PKHD1: variants seen among roughly 807,000 people sequenced by gnomAD.
PKHD1 encodes the protein PKHD1 ciliary IPT domain containing fibrocystin/polyductin.
A neutral mutation model predicts 412.0 loss-of-function variants in PKHD1; 291 were observed. That is an observed-to-expected ratio of 0.71 (90% CI 0.64 to 0.78). The LOEUF (loss-of-function observed/expected upper bound fraction) is 0.78, where lower values mean the gene tolerates loss of function less well. Ranked by LOEUF, PKHD1 falls within the 30% of genes least tolerant of loss-of-function variation. PKHD1 has a pLI of 0.00. For synonymous variants in PKHD1, 1,777 were observed against 1,821.5 expected (o/e 0.98, Z 0.62); for missense variants, 4,825 against 4,950.7 (o/e 0.97, Z 0.76).
chr6:51,897,350 G>A (rs1780261991), intron 43 of PKHD1, among the ~76,000 whole-genome samples: 1 of 152,080 alleles, frequency 6.6e-6, no homozygotes, highest in South Asian at 2.1e-4. Context: ...GAGTGTGGGG[G>A]CCAATATTCA....
chr6:51,719,711 C>A (rs1286312109), intron 60 of PKHD1, among the ~76,000 whole-genome samples: 1 of 152,104 alleles, frequency 6.6e-6, no homozygotes, highest in Non-Finnish European at 1.5e-5. Flanking sequence ...TATAATTTGA[C>A]AAATTATATT....
chr6:51,699,116 C>A (rs1042208918), intron 60 of PKHD1, among the ~76,000 whole-genome samples: 2 of 152,024 alleles, frequency 1.3e-5, no homozygotes, highest in African/African-American at 4.8e-5. Flanking sequence ...TAATTTTTTT[C>A]TTTTGTTGTA....
intron 55 of PKHD1, among the ~76,000 whole-genome samples, chr6:51,755,805 C>T (rs997715258): frequency 2.6e-5 from 4 of 152,122 alleles, no homozygotes; most frequent in Non-Finnish European, 5.9e-5. Flanking sequence ...TTCAATCATG[C>T]AACCTTTATT....
chr6:51,940,624 T>C (rs1281292301), intron 36 of PKHD1, among the ~76,000 whole-genome samples: 1 of 151,750 alleles, frequency 6.6e-6, no homozygotes, highest in Non-Finnish European at 1.5e-5. Context: ...GACTGACTCC[T>C]TCCCAGATCT....
intron 53 of PKHD1, 54 bp from the exon 54 acceptor site, chr6:51,775,975 G>C (rs879857223): frequency 1.5e-5 from 13 of 875,966 alleles, no homozygotes; most frequent in Non-Finnish European, 2.3e-5. Context: ...AAAAGAAAGA[G>C]AGGGAGAAAT....
intron 43 of PKHD1, among the ~76,000 whole-genome samples, chr6:51,887,486 T>C (rs1333751456): frequency 6.6e-6 from 1 of 152,092 alleles, no homozygotes. Flanking sequence ...GTATTGGAGG[T>C]AGGGCCTGGT....
chr6:51,872,762 T>C (rs1776174251), intron 46 of PKHD1, among the ~76,000 whole-genome samples: 1 of 152,120 alleles, frequency 6.6e-6, no homozygotes, highest in Admixed American at 6.5e-5. Flanking sequence ...TGATGGAATA[T>C]TGCCTTCAAA....
chr6:52,055,612 C>T lies in PKHD1; in HGVS notation c.1811G>A (p.Gly604Asp), dbSNP rs765854709. 2 of 1,613,978 alleles carry T rather than the reference C, an allele frequency of 1.2e-6. No individual in the cohort carries two copies. Among genetic ancestry groups the T allele is most frequent in the South Asian group, 2.2e-5 (2 of 91,072 alleles). ...LVLTPPAAQK[G>D]YRLDQYTHLC... ...GTGTGTATACTGATCTAGCCGATAG[C>T]CCTTCTGGGCAGCCGGGGGAGTAAG... Residue 604 changes from glycine to aspartate, a missense_variant, in exon 19 of 67, where the codon GGC (glycine) becomes GAC (aspartate). By Grantham distance (94) the Gly-to-Asp change is moderately conservative. Coordinates refer to ENST00000371117, the MANE Select transcript of PKHD1 (RefSeq NM_138694.4).
chr6:51,812,590 C>A (rs1435635214), intron 52 of PKHD1, among the ~76,000 whole-genome samples: 1 of 152,180 alleles, frequency 6.6e-6, no homozygotes, highest in Non-Finnish European at 1.5e-5. Context: ...TCTAGTAGAG[C>A]ATCACATGAC....
chr6:51,639,208 T>G (rs541777512), intron 63 of PKHD1, among the ~76,000 whole-genome samples: 1 of 152,282 alleles, frequency 6.6e-6, no homozygotes, highest in South Asian at 2.1e-4. Context: ...GCCTACAAAC[T>G]ACACAACAAC....
rs751853495 is a variant in PKHD1, at chr6:52,054,103, G to A, written c.1899C>T (p.Ile633=). The A allele has an allele frequency of 9.9e-6, 16 of 1,613,668 alleles. 1 individual carries two copies. The highest frequency in any genetic ancestry group is 6.6e-5 in the South Asian group (6 of 91,070). The change falls in exon 20 of 67, where the codon ATC becomes ATT. Residue 633 remains isoleucine (I), a synonymous_variant. Coordinates refer to ENST00000371117, the MANE Select transcript of PKHD1 (RefSeq NM_138694.4). ...TATTCTTTACCATGTTTTGAAAGCC[G>A]ATTGTGAAGGACACAATCATCTTCA... ...KILKMIVSFT[I]GFQNMVKNTT... is the part of the protein sequence containing the mutation.
rs12210725 is a variant in PKHD1 at position 52,024,560 on chromosome 6, T to C, written c.5236+14A>G. Reference sequence around the variant, plus strand: ...TACATAAAGAAAGTGTGCTGTCTTATTTGCTTGACTTACCGAAGTTCTCCG... The same window carrying C: ...TACATAAAGAAAGTGTGCTGTCTTACTTGCTTGACTTACCGAAGTTCTCCG... On this transcript the variant is annotated intron_variant, in intron 32 of 66. Coordinates refer to ENST00000371117, the MANE Select transcript of PKHD1 (RefSeq NM_138694.4). 47,577 of 1,612,358 alleles carry C rather than the reference T, an allele frequency of 0.03. 1,005 individuals are homozygous for C. The highest frequency in any genetic ancestry group is 0.084 in the South Asian group (7,691 of 91,026).
chr6:51,828,678 T>A (rs185109624), intron 52 of PKHD1, among the ~76,000 whole-genome samples: 452 of 152,034 alleles, frequency 3.0e-3, no homozygotes, highest in Non-Finnish European at 4.9e-3. Context: ...CAGAGTCAGG[T>A]GGACAAATTT....
In PKHD1 at chr6:51,801,639, T is replaced by TTGTGTGTGTGTGTGTGTG. The variant is rs140197286; in HGVS notation, c.8303-10267_8303-10266insCACACACACACACACACA. Among the ~76,000 whole-genome samples the TTGTGTGTGTGTGTGTGTG allele has an allele frequency of 5.2e-4, 63 of 120,172 alleles. 1 individual carries two copies. The highest frequency in any genetic ancestry group is 1.9e-3 in the South Asian group (6 of 3,152). 78.8% of individuals were successfully genotyped at this position (120,172 alleles called of 152,430 possible). On this transcript the variant is annotated intron_variant, in intron 52 of 66. Transcript: ENST00000371117. Reference sequence around the variant, plus strand: ...GAAGAAAAACCATCTGCTGGCCTGATTGTGTGTGTGTGTGTGAGAGAGAGA... The same window carrying TTGTGTGTGTGTGTGTGTG: ...GAAGAAAAACCATCTGCTGGCCTGATTGTGTGTGTGTGTGTGTGTGTGTGTGTGTGTGTGAGAGAGAGA...
intron 60 of PKHD1, among the ~76,000 whole-genome samples, chr6:51,711,898 G>A (rs1780702872): frequency 6.6e-6 from 1 of 152,148 alleles, no homozygotes; most frequent in Admixed American, 6.5e-5. Flanking sequence ...CAATGGTTAG[G>A]TATTTTCCTT....
intron 25 of PKHD1, among the ~76,000 whole-genome samples, chr6:52,044,245 G>A (rs1805412503): frequency 6.6e-6 from 1 of 152,108 alleles, no homozygotes; most frequent in Non-Finnish European, 1.5e-5. Flanking sequence ...CCTTTCACTG[G>A]AACTAATGTT....
intron 60 of PKHD1, among the ~76,000 whole-genome samples, chr6:51,675,558 T>TC (rs1775703822): frequency 6.6e-6 from 1 of 152,150 alleles, no homozygotes; most frequent in African/African-American, 2.4e-5. Flanking sequence ...CCATATGAAC[T>TC]CACCGTGAAA....
Position 51,959,768 on chromosome 6 carries a change from A to G in PKHD1, c.5908+102T>C, listed in dbSNP as rs369484442. ...CAGTTTGGTCTGAGGATAAATTGTC[A>G]ACTAAGTTCTGGAACTTATCCAGAA... is the stretch of plus-strand genomic sequence containing the variant. On this transcript the variant is annotated intron_variant, in intron 36 of 66. Coordinates refer to ENST00000371117, the MANE Select transcript of PKHD1 (RefSeq NM_138694.4). The G allele has an allele frequency of 7.6e-5, 82 of 1,072,534 alleles. 2 individuals are homozygous for G. The East Asian group carries it at 1.1e-3, about 14-fold the overall frequency. The allele number at this position is 1,072,534 out of a possible 1,614,324, so 66.4% of individuals were successfully genotyped here. A position where few individuals can be genotyped will look rare whatever the true frequency, so the allele number is the denominator to read the frequency against.
At chr6:51,934,078 C>A (rs1422008589) in intron 37 of PKHD1, 32 bp downstream of exon 37, 1 of 1,518,074 alleles carries the variant, frequency 6.6e-7, no homozygotes, top group Admixed American at 1.7e-5. Flanking sequence ...CACAGCTCTA[C>A]TTCATTTCCT....
Sources: gnomAD v4.1 joint callset for allele counts (sites outside exome capture counted in the v4.1 genomes callset) on GRCh38, gnomAD v4.1.1 for gene constraint, MANE v1.5 for transcripts, NCBI Gene and HGNC (gene_info 2026-07-23, HGNC 2026-07-21) for gene names.